Variants in ADGRL2 observed in about 807,000 individuals in gnomAD.
ADGRL2 encodes the protein calcium-independent alpha-latrotoxin receptor 2.
In ADGRL2, 44 loss-of-function variants were observed where a neutral mutation model predicts 157.4. The ratio of observed to expected loss-of-function variants is 0.28; its 90% confidence interval spans 0.22 to 0.36. The LOEUF (loss-of-function observed/expected upper bound fraction) is 0.36, where lower values mean the gene tolerates loss of function less well. Among genes scored for constraint, ADGRL2 ranks in the 10% least tolerant of loss-of-function variants. The pLI is 1.00. For missense variants in ADGRL2, 1,510 were observed against 1,768.9 expected (o/e 0.85, Z 2.63); for synonymous variants, 585 against 624.7 (o/e 0.94, Z 0.95).
intron 1 of ADGRL2, among the ~76,000 whole-genome samples, chr1:81,430,036 G>C (rs749013353): frequency 2.0e-5 from 3 of 152,166 alleles, no homozygotes; most frequent in Non-Finnish European, 2.9e-5. Context: ...TGGGATTACA[G>C]GCATGCACCG....
chr1:81,457,686 T>A (rs1461556279), intron 2 of ADGRL2, among the ~76,000 whole-genome samples: 2 of 152,212 alleles, frequency 1.3e-5, no homozygotes, highest in Non-Finnish European at 2.9e-5. Context: ...CAAATGAATT[T>A]TTTTTAAATT....
intron 11 of ADGRL2, among the ~76,000 whole-genome samples, chr1:81,963,168 T>TC (rs1453966270): frequency 1.1e-5 from 1 of 89,028 alleles, no homozygotes; most frequent in Non-Finnish European, 3.0e-5. Context: ...AACTTATACT[T>TC]CTTTTTTTTA....
rs989445254 is a variant in ADGRL2 at position 81,937,537 on chromosome 1, T to C, written c.397+700T>C. Among the ~76,000 whole-genome samples, 114 of 151,890 alleles carry C rather than the reference T, an allele frequency of 7.5e-4. 1 individual carries two copies. Among genetic ancestry groups the C allele is most frequent in the Non-Finnish European group, 3.4e-4 (23 of 67,838 alleles). On this transcript the variant is annotated intron_variant, in intron 4 of 23. Coordinates refer to ENST00000686636, the MANE Select transcript of ADGRL2 (RefSeq NM_001366006.2). ...TCAGAATTCGTACTTCAAAATTGTA[T>C]TCTATACTTTCAGTTTTAAAAATCT...
At chr1:81,540,859 G>A (rs935628592) in intron 2 of ADGRL2, among the ~76,000 whole-genome samples, 6 of 152,018 alleles carry the variant, frequency 3.9e-5, no homozygotes, top group Admixed American at 2.6e-4. Context: ...AAAGCAGAGA[G>A]ACCAATAATC....
intron 17 of ADGRL2, among the ~76,000 whole-genome samples, chr1:81,973,858 A>C (rs912350403): frequency 1.3e-5 from 2 of 152,188 alleles, no homozygotes; most frequent in Non-Finnish European, 2.9e-5. Flanking sequence ...AGAGTGGTAT[A>C]GGAGTACAAA....
At chr1:81,784,813 G>T (rs1201945523) in intron 2 of ADGRL2, among the ~76,000 whole-genome samples, 1 of 150,800 alleles carries the variant, frequency 6.6e-6, no homozygotes, top group African/African-American at 2.4e-5. Flanking sequence ...TATGTGTTTT[G>T]TTAAGGGTCC....
chr1:81,973,115 G>A (rs1173820310), intron 17 of ADGRL2, among the ~76,000 whole-genome samples: 3 of 151,934 alleles, frequency 2.0e-5, no homozygotes, highest in Non-Finnish European at 2.9e-5. Flanking sequence ...GTACTTGAAG[G>A]AAACTTAAAA....
chr1:81,619,028 G>A (rs1004058846), intron 3 of ADGRL2, among the ~76,000 whole-genome samples: 10 of 152,140 alleles, frequency 6.6e-5, no homozygotes, highest in African/African-American at 2.4e-4. Flanking sequence ...TGTTTGGAAG[G>A]ATCATTAATT....
At chr1:81,927,371 TAATA>T (rs1357081709) in intron 3 of ADGRL2, among the ~76,000 whole-genome samples, 3 of 152,056 alleles carry the variant, frequency 2.0e-5, no homozygotes, top group African/African-American at 4.8e-5. Flanking sequence ...ATCATTTTAA[TAATA>T]AATGCAATTT....
At chr1:81,565,748 A>T (rs1027572166) in intron 2 of ADGRL2, among the ~76,000 whole-genome samples, 2 of 152,194 alleles carry the variant, frequency 1.3e-5, no homozygotes, top group African/African-American at 4.8e-5. Context: ...AGAAAAGCAC[A>T]TTAGCCTTTC....
chr1:81,971,974 C>A, intron 17 of ADGRL2, 56 bp downstream of exon 17: 1 of 1,114,482 alleles, frequency 9.0e-7, no homozygotes, highest in Non-Finnish European at 1.3e-6. Flanking sequence ...CAGTGCTATT[C>A]AAACAAGGAT....
chr1:81,936,680 TAATC>T (rs3831111), intron 3 of ADGRL2, 44 bp from the exon 4 acceptor site: 353,104 of 1,074,890 alleles, frequency 0.33, 59,902 homozygotes, highest in Non-Finnish European at 0.36. Context: ...TAAGTGAAAA[TAATC>T]AAATAAATTA....
At chr1:81,638,166 A>G (rs2082149988) in intron 3 of ADGRL2, among the ~76,000 whole-genome samples, 1 of 152,164 alleles carries the variant, frequency 6.6e-6, no homozygotes, top group South Asian at 2.1e-4. Flanking sequence ...AAACTCACCA[A>G]CTTTGAATTC....
rs2090766976 is a variant in ADGRL2, at chr1:81,819,533, T to A, written c.-100-17352T>A. Among the ~76,000 whole-genome samples, 5 of 152,200 alleles carry A rather than the reference T, an allele frequency of 3.3e-5. No homozygotes were observed. In the South Asian group the frequency reaches 1.0e-3, roughly 31 times the overall value. ...AAATGTTTTTAAATGTTTTCGAGTGTATACCTGCATATGTTTTTACACTGC... is the reference window on the plus strand; with the variant it reads ...AAATGTTTTTAAATGTTTTCGAGTGAATACCTGCATATGTTTTTACACTGC... On this transcript the variant is annotated intron_variant, in intron 1 of 23. Coordinates refer to ENST00000686636, the MANE Select transcript of ADGRL2 (RefSeq NM_001366006.2).
rs1488334868 is a variant in ADGRL2 at position 81,985,302 on chromosome 1, C to T, written c.3455C>T (p.Ser1152Leu). 3.1e-6 allele frequency: 5 copies of T among 1,606,446 alleles called. No individual in the cohort carries two copies. Among genetic ancestry groups the T allele is most frequent in the Non-Finnish European group, 4.3e-6 (5 of 1,174,730 alleles). The stretch of plus-strand genomic sequence containing the variant: ...TGGAATGATACTGTGAGAAAACAAT[C>T]AGAATCTTCTTTTATCTCAGGTGAC... The part of the protein sequence containing the change: ...RMWNDTVRKQ[S>L]ESSFISGDIN... Residue 1152 changes from serine to leucine, a missense_variant, in exon 21 of 24, where the codon TCA (serine) becomes TTA (leucine). Ser to Leu is a moderately radical substitution (Grantham distance 145, BLOSUM62 -2). Transcript: ENST00000686636.
intron 3 of ADGRL2, among the ~76,000 whole-genome samples, chr1:81,590,815 G>A (rs764852518): frequency 7.9e-5 from 12 of 151,688 alleles, no homozygotes; most frequent in Non-Finnish European, 4.4e-5. Flanking sequence ...CCAAGCTACC[G>A]AGAGCTATCC....
At chr1:81,924,495 T>C (rs2095060204) in intron 3 of ADGRL2, among the ~76,000 whole-genome samples, 1 of 152,168 alleles carries the variant, frequency 6.6e-6, no homozygotes, top group Non-Finnish European at 1.5e-5. Flanking sequence ...TGAGCCATGC[T>C]TATGGAGTAG....
intron 9 of ADGRL2, 62 bp downstream of exon 9, chr1:81,952,204 TATAGCAGTTGAGAGCCAA>T: frequency 7.2e-7 from 1 of 1,395,182 alleles, no homozygotes; most frequent in Non-Finnish European, 9.7e-7. Context: ...TTTCTTGTCT[TATAGCAGTTGAGAGCCAA>T]ATCTTTGGCC....
intron 2 of ADGRL2, chr1:81,514,659 ACATTTGATGTT>A (rs2079141540): frequency 6.6e-6 from 1 of 152,226 alleles, no homozygotes; most frequent in Non-Finnish European, 1.5e-5. Context: ...GTTGCAATTG[ACATTTGATGTT>A]CATGAAGTTT....
Sources: gnomAD v4.1 joint callset for allele counts (sites outside exome capture counted in the v4.1 genomes callset) on GRCh38, gnomAD v4.1.1 for gene constraint, MANE v1.5 for transcripts, NCBI Gene and HGNC (gene_info 2026-07-23, HGNC 2026-07-21) for gene names.